Variants in DYRK4 observed in about 807,000 individuals in gnomAD.
The protein encoded by DYRK4 is dual specificity tyrosine-phosphorylation-regulated kinase 4.
DYRK4 carries 64 observed loss-of-function variants against 68.3 expected under a neutral mutation model. That is an observed-to-expected ratio of 0.94 (90% CI 0.77 to 1.15). The LOEUF (loss-of-function observed/expected upper bound fraction) is 1.15. DYRK4 is among the 50% of genes most tolerant of loss of function. The probability of loss-of-function intolerance (pLI) is 0.00; values close to 1 mark genes in which losing one functional copy is unlikely to be tolerated. For synonymous variants in DYRK4, 274 were observed against 289.9 expected, an observed-to-expected ratio of 0.95 and a Z score of 0.56; for missense variants, 740 against 764.7, an observed-to-expected ratio of 0.97 and a Z score of 0.38.
chr12:4,581,189 A>G (rs1052271541), intron 2 of DYRK4, among the ~76,000 whole-genome samples: 3 of 152,168 alleles, frequency 2.0e-5, no homozygotes, highest in Non-Finnish European at 2.9e-5. Flanking sequence ...AGGGCCTGAC[A>G]TGATGAGAAT....
rs191430566 is a variant in DYRK4 at position 4,613,071 on chromosome 12, C to G, written c.1666+353C>G. Among the ~76,000 whole-genome samples the G allele has an allele frequency of 3.3e-5, 5 of 152,294 alleles. No individual in the cohort carries two copies. The East Asian group carries it at 9.6e-4, about 29-fold the overall frequency. On this transcript the variant is annotated intron_variant, in intron 14 of 14. Transcript: ENST00000543431. The surrounding 1 kb of genome is among the most constrained non-coding windows in gnomAD (Gnocchi z 4.0). ...TAATCAATTTCCTTTCTCCTCCTCC[C>G]TTTTTCATTAACTGCGTCCACCCCT...
chr12:4,586,567 A>G (rs940815487), intron 2 of DYRK4, among the ~76,000 whole-genome samples: 13 of 152,148 alleles, frequency 8.5e-5, no homozygotes, highest in Admixed American at 2.6e-4. Flanking sequence ...CTGCTGAAAG[A>G]CAGCCAACAA....
rs768593695 is a variant in DYRK4, at chr12:4,610,235, C to T, written c.1441C>T (p.Leu481=). The T allele has an allele frequency of 2.5e-6, 4 of 1,596,732 alleles. No individual in the cohort carries two copies. The highest frequency in any genetic ancestry group is 3.4e-6 in the Non-Finnish European group (4 of 1,173,082). Residue 481 remains leucine, a synonymous_variant, in exon 13 of 15, where the codon CTG becomes TTG. Transcript: ENST00000543431. The stretch of plus-strand genomic sequence containing the variant: ...AGATTCCAAGGACCTCACGATGGTG[C>T]TGAAAACCTATGACACCAGCTTCCT... ...YPDSKDLTMV[L]KTYDTSFLDF... is the part of the protein sequence containing the mutation.
chr12:4,577,715 G>C (rs1944803499), intron 2 of DYRK4, among the ~76,000 whole-genome samples: 1 of 152,124 alleles, frequency 6.6e-6, no homozygotes, highest in Non-Finnish European at 1.5e-5. Context: ...AGATTAAGTT[G>C]GGAAGAACTA....
chr12:4,602,249 C>A, intron 10 of DYRK4: 4 of 1,067,748 alleles, frequency 3.7e-6, no homozygotes, highest in Non-Finnish European at 5.8e-6. Flanking sequence ...ATTTCTAAGA[C>A]CTGCTCTCTT....
chr12:4,584,094 C>T (rs1388386052), intron 2 of DYRK4, among the ~76,000 whole-genome samples: 1 of 152,038 alleles, frequency 6.6e-6, no homozygotes, highest in Non-Finnish European at 1.5e-5. Context: ...ATCAATGACA[C>T]AAAGAAAAAC....
chr12:4,571,345 A>G (rs1433744600), intron 2 of DYRK4, among the ~76,000 whole-genome samples: 1 of 152,236 alleles, frequency 6.6e-6, no homozygotes, highest in African/African-American at 2.4e-5. Flanking sequence ...CATTTGCTGA[A>G]TGCCACCTCC....
At chr12:4,584,819 T>G (rs1461255130) in intron 2 of DYRK4, among the ~76,000 whole-genome samples, 2 of 152,118 alleles carry the variant, frequency 1.3e-5, no homozygotes, top group Non-Finnish European at 2.9e-5. Flanking sequence ...CCTCCCAAAG[T>G]GCTGGGATTA....
At chr12:4,585,733 A>T (rs1444553362) in intron 2 of DYRK4, among the ~76,000 whole-genome samples, 2 of 152,274 alleles carry the variant, frequency 1.3e-5, no homozygotes, top group Non-Finnish European at 2.9e-5. Flanking sequence ...CATATGTAAC[A>T]AACCTGCACG....
In DYRK4 at chr12:4,590,453, G is replaced by A. The variant is rs887246944; in HGVS notation, c.324+13G>A. 14 of 1,534,480 alleles carry A rather than the reference G, an allele frequency of 9.1e-6. No homozygotes were observed. Among genetic ancestry groups the A allele is most frequent in the East Asian group, 4.9e-5 (2 of 40,910 alleles). On this transcript the variant is annotated intron_variant, in intron 4 of 14. Coordinates refer to ENST00000543431, the MANE Select transcript of DYRK4 (RefSeq NM_001394779.1). ...CCTGCTGTATCAGGTGAGTGCAGAC[G>A]GACTGGACCCTGAGAAGGCAGGTGA...
Position 4,591,311 on chromosome 12 carries a change from G to A in DYRK4, c.463+13G>A. ...CTGACAGCGGCAGGTATGCCTTTGG[G>A]GCAGTAGCAGGGTGGGGAGGTGCTT... On this transcript the variant is annotated intron_variant, in intron 5 of 14. Coordinates refer to ENST00000543431, the MANE Select transcript of DYRK4 (RefSeq NM_001394779.1). This position sits in a 1 kb window ranked among gnomAD's most constrained non-coding sequence, Gnocchi z 4.1. 1 of 1,613,444 alleles carries A rather than the reference G, an allele frequency of 6.2e-7. No individual in the cohort carries two copies.
At chr12:4,568,236 A>G (rs1034793816) in intron 2 of DYRK4, among the ~76,000 whole-genome samples, 188 bp downstream of exon 2, 2 of 152,202 alleles carry the variant, frequency 1.3e-5, no homozygotes, top group African/African-American at 4.8e-5. Context: ...GCAGAAGGGC[A>G]AGGCCTTAAT....
chr12:4,566,647 A>C (rs919419595), intron 1 of DYRK4, among the ~76,000 whole-genome samples: 1 of 152,248 alleles, frequency 6.6e-6, no homozygotes, highest in African/African-American at 2.4e-5. Flanking sequence ...GTTTTCTTTG[A>C]GGGCAGAGAC....
In DYRK4 at chr12:4,596,629, G is replaced by A. The variant is rs140472890; in HGVS notation, c.805G>A (p.Ala269Thr). 875 of 1,614,016 alleles carry A rather than the reference G, an allele frequency of 5.4e-4. No homozygotes were observed. The highest frequency in any genetic ancestry group is 7.0e-4 in the Non-Finnish European group (829 of 1,180,022). Residue 269 changes from alanine (A) to threonine (T), a missense_variant, in exon 8 of 15, where the codon GCT (alanine) becomes ACT (threonine). Physicochemically the swap from Ala to Thr is moderately conservative, Grantham distance 58. This residue lies in a region of DYRK4 where 614 missense variants were observed against 603.7 expected (regional missense o/e 1.02). Transcript: ENST00000543431. ...CCTGATGGAGCTGAAGATCCTGGAAGCTCTCAGAAAGAAGGACAAAGACAA... is the reference window on the plus strand; with the variant it reads ...CCTGATGGAGCTGAAGATCCTGGAAACTCTCAGAAAGAAGGACAAAGACAA... ...QALMELKILE[A>T]LRKKDKDNTY...
At position 4,610,151 on chromosome 12, in the gene DYRK4, A is replaced by G. The variant is rs2137409163; in HGVS notation, c.1361-4A>G. 6 of 1,586,246 alleles carry G rather than the reference A, an allele frequency of 3.8e-6. No homozygotes were observed. Among genetic ancestry groups the G allele is most frequent in the South Asian group, 2.4e-5 (2 of 84,996 alleles). ...ACTAAATACAGAATGTTCTATCTCT[A>G]CAGATTCCAAAGGTTTTCCTAAAAA... On this transcript the variant is annotated splice_polypyrimidine_tract_variant and splice_region_variant and intron_variant, in intron 12 of 14. Transcript: ENST00000543431.
intron 8 of DYRK4, chr12:4,597,032 G>A: frequency 8.4e-7 from 1 of 1,194,924 alleles, no homozygotes; most frequent in Non-Finnish European, 1.0e-6. Flanking sequence ...AGTCAAAAAG[G>A]ACATTTCTTT....
At chr12:4,592,248 C>T (rs1284075211) in intron 5 of DYRK4, among the ~76,000 whole-genome samples, 8 of 152,224 alleles carry the variant, frequency 5.3e-5, no homozygotes, top group African/African-American at 1.9e-4. Context: ...ATGCCTTATT[C>T]AGCTTATACT....
At chr12:4,566,238 C>T (rs899575367) in intron 1 of DYRK4, among the ~76,000 whole-genome samples, 2 of 152,306 alleles carry the variant, frequency 1.3e-5, no homozygotes, top group South Asian at 4.1e-4. Flanking sequence ...TACCAGAATA[C>T]AAATCTGATC....
chr12:4,592,241 C>G (rs1944964632), intron 5 of DYRK4, among the ~76,000 whole-genome samples: 1 of 152,178 alleles, frequency 6.6e-6, no homozygotes, highest in Non-Finnish European at 1.5e-5. Flanking sequence ...AAAGAACATG[C>G]CTTATTCAGC....
Sources: allele counts gnomAD v4.1 joint callset (sites outside exome capture counted in the v4.1 genomes callset), GRCh38; gene constraint gnomAD v4.1.1; regional missense constraint gnomAD v4.1.1; non-coding constraint Gnocchi (gnomAD v3.1); transcripts MANE v1.5; gene names NCBI Gene and HGNC (gene_info 2026-07-23, HGNC 2026-07-21).